Variants in DCC observed in about 807,000 individuals in gnomAD.
DCC encodes DCC netrin 1 receptor.
Under a neutral mutation model 172.5 loss-of-function variants are expected in DCC, and 58 were observed. That is an observed-to-expected ratio of 0.34 (90% CI 0.27 to 0.42). The LOEUF is 0.42. Ranked by LOEUF, DCC falls within the 10% of genes least tolerant of loss-of-function variation. DCC has a pLI of 1.00. For missense variants in DCC, 1,740 were observed against 1,791.0 expected (o/e 0.97, Z 0.51); for synonymous variants, 709 against 644.5 (o/e 1.10, Z -1.52).
chr18:52,900,220 C>A (rs1312244027), intron 2 of DCC, among the ~76,000 whole-genome samples: 5 of 152,160 alleles, frequency 3.3e-5, no homozygotes, highest in Non-Finnish European at 5.9e-5. Context: ...AGGGTAAAAC[C>A]TTTACTCTTC....
At chr18:52,434,104 A>AT (rs150790497) in intron 1 of DCC, among the ~76,000 whole-genome samples, 4,211 of 152,312 alleles carry the variant, frequency 0.028, 201 homozygotes, top group African/African-American at 0.095. Context: ...AAGGGGTTGA[A>AT]TAGTTATGTA....
chr18:52,454,776 C>T (rs1164523801), intron 1 of DCC, among the ~76,000 whole-genome samples: 1 of 152,156 alleles, frequency 6.6e-6, no homozygotes, highest in African/African-American at 2.4e-5. Context: ...TCATTTCTAA[C>T]ATTTGTAAGG....
At position 53,446,098 on chromosome 18, in the gene DCC, CA is replaced by C. The variant is rs1246126122; in HGVS notation, c.3230-4386del. ...GCAACATAAGAAGACCCTGTCTCTA[CA>C]AAAAAAAAAAAAAAACAAAAAAAAA... On this transcript the variant is annotated intron_variant, in intron 22 of 28. Coordinates refer to ENST00000442544, the MANE Select transcript of DCC (RefSeq NM_005215.4). Among the ~76,000 whole-genome samples the C allele has an allele frequency of 2.1e-3, 67 of 32,290 alleles. No homozygotes were observed. The East Asian group carries it at 0.023, about 11-fold the overall frequency. 21.2% of individuals were successfully genotyped at this position (32,290 alleles called of 152,430 possible).
chr18:52,568,193 G>A (rs1197002908), intron 1 of DCC, among the ~76,000 whole-genome samples: 1 of 151,964 alleles, frequency 6.6e-6, no homozygotes, highest in Non-Finnish European at 1.5e-5. Flanking sequence ...TATCTTATGA[G>A]GCAGCCGTCC....
chr18:53,033,608 C>G (rs573288834), intron 5 of DCC, among the ~76,000 whole-genome samples: 3 of 152,138 alleles, frequency 2.0e-5, no homozygotes, highest in Non-Finnish European at 4.4e-5. Flanking sequence ...GAGACGCTAA[C>G]AGCATTGTTG....
intron 17 of DCC, among the ~76,000 whole-genome samples, chr18:53,395,134 G>A (rs1908841771): frequency 7.5e-6 from 1 of 133,442 alleles, no homozygotes; most frequent in Non-Finnish European, 1.6e-5. Flanking sequence ...TGAGTGACAA[G>A]CACGAAACTC....
intron 7 of DCC, among the ~76,000 whole-genome samples, chr18:53,124,616 A>G (rs1261212543): frequency 6.6e-6 from 1 of 152,076 alleles, no homozygotes; most frequent in Non-Finnish European, 1.5e-5. Flanking sequence ...AGGGTCCTGT[A>G]AGACTGGGAG....
At chr18:52,344,089 G>T (rs574767996) in intron 1 of DCC, among the ~76,000 whole-genome samples, 1 of 152,380 alleles carries the variant, frequency 6.6e-6, no homozygotes, top group South Asian at 2.1e-4. Context: ...AGGCTGGCTT[G>T]AGATGCTGAT....
At chr18:52,781,381 G>A (rs1946883507) in intron 2 of DCC, among the ~76,000 whole-genome samples, 1 of 149,302 alleles carries the variant, frequency 6.7e-6, no homozygotes, top group Admixed American at 6.7e-5. Flanking sequence ...AGCATTCTCC[G>A]AGCTCCAACA....
chr18:52,636,921 AC>A (rs1404312308), intron 1 of DCC, among the ~76,000 whole-genome samples: 8 of 151,944 alleles, frequency 5.3e-5, no homozygotes, highest in Non-Finnish European at 1.2e-4. Flanking sequence ...TGAGTCCTGC[AC>A]CCCCGCCACC....
At chr18:53,396,917 A>C (rs62099982) in intron 17 of DCC, among the ~76,000 whole-genome samples, 64,479 of 151,864 alleles carry the variant, frequency 0.42, 15,455 homozygotes, top group Non-Finnish European at 0.55. Context: ...GTTCTGTAAT[A>C]AAGGTAAGTA....
chr18:53,031,283 TTC>T (rs1396626626), intron 5 of DCC, among the ~76,000 whole-genome samples: 2 of 152,146 alleles, frequency 1.3e-5, no homozygotes, highest in Admixed American at 1.3e-4. Flanking sequence ...AAATATTCTT[TTC>T]TGTCTTGTGA....
chr18:52,771,808 T>G (rs1213443588), intron 2 of DCC, among the ~76,000 whole-genome samples: 2 of 151,450 alleles, frequency 1.3e-5, no homozygotes, highest in Non-Finnish European at 2.9e-5. Flanking sequence ...CATATTTTAA[T>G]TAACTCGTAA....
At chr18:53,359,307 C>T (rs2057918932) in intron 15 of DCC, among the ~76,000 whole-genome samples, 1 of 152,120 alleles carries the variant, frequency 6.6e-6, no homozygotes, top group Non-Finnish European at 1.5e-5. Context: ...TACTGAATCA[C>T]AAATACTGGG....
Position 53,508,317 on chromosome 18 carries a change from C to T in DCC, c.4111+8807C>T, listed in dbSNP as rs541518030. Among the ~76,000 whole-genome samples, 3 of 152,142 alleles carry T rather than the reference C, an allele frequency of 2.0e-5. No individual in the cohort carries two copies. The East Asian group carries it at 5.8e-4, about 29-fold the overall frequency. On this transcript the variant is annotated intron_variant, in intron 27 of 28. Transcript: ENST00000442544. Reference sequence around the variant, plus strand: ...TGGTTATCCTCTCGCCTCAGCTTCCCGAGTAACTGGGACTACAGGTGAGCG... The same window carrying T: ...TGGTTATCCTCTCGCCTCAGCTTCCTGAGTAACTGGGACTACAGGTGAGCG...
chr18:53,268,934 T>C lies in DCC; in HGVS notation c.1912-36644T>C, dbSNP rs117137093. On this transcript the variant is annotated intron_variant, in intron 12 of 28. Coordinates refer to ENST00000442544, the MANE Select transcript of DCC (RefSeq NM_005215.4). ...TGGGATAGAAGGCAATTGCTTTTTATAGAGTGTAGTCTCCAGGTCATTTAC... is the reference window on the plus strand; with the variant it reads ...TGGGATAGAAGGCAATTGCTTTTTACAGAGTGTAGTCTCCAGGTCATTTAC... Among the ~76,000 whole-genome samples, 139 of 152,308 alleles carry C rather than the reference T, an allele frequency of 9.1e-4. 1 individual carries two copies. The East Asian group carries it at 0.025, about 27-fold the overall frequency.
rs147287534 is a variant in DCC, at chr18:52,953,179, G to A, written c.985+27809G>A. Among the ~76,000 whole-genome samples the A allele has an allele frequency of 5.8e-3, 876 of 152,032 alleles. 8 individuals are homozygous for A. Among genetic ancestry groups the A allele is most frequent in the Non-Finnish European group, 9.7e-3 (658 of 67,980 alleles). ...GAAGATATGCTTATCAAATATTTACGTTTTAAATGAATTAATAAACAGGTG... is the reference window on the plus strand; with the variant it reads ...GAAGATATGCTTATCAAATATTTACATTTTAAATGAATTAATAAACAGGTG... On this transcript the variant is annotated intron_variant, in intron 5 of 28. Coordinates refer to ENST00000442544, the MANE Select transcript of DCC (RefSeq NM_005215.4).
intron 12 of DCC, among the ~76,000 whole-genome samples, chr18:53,257,418 A>G (rs1292894945): frequency 2.0e-5 from 3 of 152,204 alleles, no homozygotes; most frequent in African/African-American, 7.2e-5. Context: ...AATTTTTAGC[A>G]TGAAAGTTGT....
At chr18:52,562,520 G>C (rs184352441) in intron 1 of DCC, among the ~76,000 whole-genome samples, 4 of 152,218 alleles carry the variant, frequency 2.6e-5, no homozygotes, top group Admixed American at 2.0e-4. Flanking sequence ...AAATAGAAAT[G>C]ACCTTGCCAA....
Sources: allele counts gnomAD v4.1 joint callset (sites outside exome capture counted in the v4.1 genomes callset), GRCh38; gene constraint gnomAD v4.1.1; transcripts MANE v1.5; gene names NCBI Gene and HGNC (gene_info 2026-07-23, HGNC 2026-07-21).